Variants in VPS52 observed in about 807,000 individuals in gnomAD.
VPS52 encodes VPS52 subunit of GARP complex.
Under a neutral mutation model 98.7 loss-of-function variants are expected in VPS52, and 56 were observed. That is an observed-to-expected ratio of 0.57 (90% CI 0.46 to 0.71). VPS52 has a LOEUF of 0.71. VPS52 is among the 30% of genes least tolerant of loss of function. The pLI is 0.00. For synonymous variants in VPS52, 348 were observed against 346.4 expected, an observed-to-expected ratio of 1.00 and a Z score of -0.05; for missense variants, 742 against 925.9, an observed-to-expected ratio of 0.80 and a Z score of 2.58.
chr6:33,270,332 GA>G (rs764216669), intron 1 of VPS52, 49 bp from the exon 2 acceptor site: 1 of 1,533,830 alleles, frequency 6.5e-7, no homozygotes, highest in Non-Finnish European at 8.9e-7. Context: ...AAGACAGAAA[GA>G]AAAAATATAA....
Position 33,267,448 on chromosome 6 carries a change from G to T in VPS52, c.992-127C>A. ...CTCTTTCCCAGTACTAGGGCCCCAC[G>T]TGCTGACATCTGTGAATGGGCTTCA... On this transcript the variant is annotated intron_variant, in intron 10 of 19. Coordinates refer to ENST00000445902, the MANE Select transcript of VPS52 (RefSeq NM_022553.6). This position sits in a 1 kb window ranked among gnomAD's most constrained non-coding sequence, Gnocchi z 4.2. 2 of 1,424,130 alleles carry T rather than the reference G, an allele frequency of 1.4e-6. No homozygotes were observed. Among genetic ancestry groups the T allele is most frequent in the Non-Finnish European group, 1.9e-6 (2 of 1,059,242 alleles). The allele number at this position is 1,424,130 out of a possible 1,614,324, so 88.2% of individuals were successfully genotyped here. A position where few individuals can be genotyped will look rare whatever the true frequency, so the allele number is the denominator to read the frequency against.
chr6:33,257,004 C>G (rs1021013558), intron 17 of VPS52, among the ~76,000 whole-genome samples: 1 of 151,246 alleles, frequency 6.6e-6, no homozygotes, highest in East Asian at 1.9e-4. Context: ...CAAAAAAATT[C>G]TCTCTATATA....
At chr6:33,269,236 G>A in intron 5 of VPS52, 47 bp from the exon 6 acceptor site, 1 of 1,603,564 alleles carries the variant, frequency 6.2e-7, no homozygotes, top group Non-Finnish European at 8.5e-7. Flanking sequence ...GTTTGTAGGG[G>A]ATAAGTGGGC....
chr6:33,264,944 G>A (rs774418762), intron 12 of VPS52, 44 bp from the exon 13 acceptor site: 183 of 1,527,606 alleles, frequency 1.2e-4, no homozygotes, highest in Non-Finnish European at 1.5e-4. Context: ...GAGAATGTCA[G>A]TTTGTTGTCC....
rs1429589741 is a variant in VPS52 at position 33,269,871 on chromosome 6, C to T, written c.229-52G>A. ...AGAAGGAAGTCTCAGTAAAGGGACA[C>T]TGTAACAGAATCAGTGAAGGACTAA... On this transcript the variant is annotated intron_variant, in intron 3 of 19. Transcript: ENST00000445902. 4.4e-6 allele frequency: 7 copies of T among 1,596,864 alleles called. No individual in the cohort carries two copies. In the Middle Eastern group the frequency reaches 5.0e-4, roughly 113 times the overall value.
intron 14 of VPS52, 95 bp downstream of exon 14, chr6:33,264,279 T>C: frequency 1.3e-6 from 2 of 1,577,368 alleles, no homozygotes; most frequent in Non-Finnish European, 1.7e-6. Context: ...GCTCATAGCG[T>C]GGCCCATGAC....
At chr6:33,260,262 C>T (rs529280153) in intron 17 of VPS52, among the ~76,000 whole-genome samples, 3 of 152,070 alleles carry the variant, frequency 2.0e-5, no homozygotes, top group African/African-American at 7.2e-5. Context: ...GATCATGGCT[C>T]GCTGTAATCT....
In VPS52 at chr6:33,267,609, T is replaced by C. The variant is rs1764490937; in HGVS notation, c.991+73A>G. 1 of 1,549,222 alleles carries C rather than the reference T, an allele frequency of 6.5e-7. No homozygotes were observed. Among genetic ancestry groups the C allele is most frequent in the Non-Finnish European group, 8.9e-7 (1 of 1,124,884 alleles). On this transcript the variant is annotated intron_variant, in intron 10 of 19. Transcript: ENST00000445902. This position sits in a 1 kb window ranked among gnomAD's most constrained non-coding sequence, Gnocchi z 4.2. ...TCCCATAGGAAAAGGTAAGGAGCAGTGCATTGGTGGCTGGAGTCGAAAGTC... is the reference window on the plus strand; with the variant it reads ...TCCCATAGGAAAAGGTAAGGAGCAGCGCATTGGTGGCTGGAGTCGAAAGTC...
In VPS52 at chr6:33,268,474, C is replaced by T; in HGVS notation, c.699+25G>A. 1 of 1,573,958 alleles carries T rather than the reference C, an allele frequency of 6.4e-7. No individual in the cohort carries two copies. Among genetic ancestry groups the T allele is most frequent in the Non-Finnish European group, 8.6e-7 (1 of 1,157,994 alleles). On this transcript the variant is annotated intron_variant, in intron 7 of 19. Coordinates refer to ENST00000445902, the MANE Select transcript of VPS52 (RefSeq NM_022553.6). This position sits in a 1 kb window ranked among gnomAD's most constrained non-coding sequence, Gnocchi z 4.0. Reference sequence around the variant, plus strand: ...TGGGAAGGCTGCTTCCAGTAGCCTCCAGGGTATCCATCCCTACTTCCCACC... The same window carrying T: ...TGGGAAGGCTGCTTCCAGTAGCCTCTAGGGTATCCATCCCTACTTCCCACC...
chr6:33,268,765 C>G lies in VPS52; in HGVS notation c.549-116G>C, dbSNP rs544180588. The G allele has an allele frequency of 7.6e-7, 1 of 1,313,286 alleles. No homozygotes were observed. The highest frequency in any genetic ancestry group is 1.5e-5 in the African/African-American group (1 of 67,384). The allele number at this position is 1,313,286 out of a possible 1,614,324, so 81.4% of individuals were successfully genotyped here. A position where few individuals can be genotyped will look rare whatever the true frequency, so the allele number is the denominator to read the frequency against. ...GTCATCTCTACCACCTTGCATTGTA[C>G]CATATAGTCAGGACACATGTACAAA... is the stretch of plus-strand genomic sequence containing the variant. On this transcript the variant is annotated intron_variant, in intron 6 of 19. Coordinates refer to ENST00000445902, the MANE Select transcript of VPS52 (RefSeq NM_022553.6). This position sits in a 1 kb window ranked among gnomAD's most constrained non-coding sequence, Gnocchi z 4.0.
rs778580558 is a variant in VPS52 at position 33,264,882 on chromosome 6, G to A, written c.1300C>T (p.Leu434=). ...SMTLKHLDSY[L]ADCYDAIAVF... is the part of the protein sequence containing the mutation. ...GCAATGGCATCGTAGCAGTCAGCTA[G>A]ATAAGAATCCAGGTGTTTCTGTGTG... Residue 434 remains leucine (L), a synonymous_variant, in exon 13 of 20, where the codon CTA becomes TTA. Transcript: ENST00000445902. The A allele has an allele frequency of 1.9e-6, 3 of 1,612,940 alleles. No homozygotes were observed. The highest frequency in any genetic ancestry group is 2.5e-6 in the Non-Finnish European group (3 of 1,179,902).
intron 18 of VPS52, 86 bp from the exon 19 acceptor site, chr6:33,251,722 T>C (rs1369694612): frequency 5.0e-6 from 7 of 1,403,236 alleles, no homozygotes; most frequent in Non-Finnish European, 7.0e-6. Context: ...GCCATCCTTA[T>C]CATCAAACCC....
Position 33,268,440 on chromosome 6 carries a change from T to G in VPS52, c.699+59A>C. 1 of 1,538,312 alleles carries G rather than the reference T, an allele frequency of 6.5e-7. No individual in the cohort carries two copies. Among genetic ancestry groups the G allele is most frequent in the Non-Finnish European group, 8.8e-7 (1 of 1,141,116 alleles). On this transcript the variant is annotated intron_variant, in intron 7 of 19. Transcript: ENST00000445902. This position sits in a 1 kb window ranked among gnomAD's most constrained non-coding sequence, Gnocchi z 4.0. The stretch of plus-strand genomic sequence containing the variant: ...TGAGCTCTGCCAAGGAAATCCATAG[T>G]GAAGATCTTGGGAAGGCTGCTTCCA...
chr6:33,264,054 T>C lies in VPS52; in HGVS notation c.1574A>G (p.Gln525Arg). ...EFSSALVSIN[Q>R]TIPNERTMQL... Reference sequence around the variant, plus strand: ...CATGGTCCGTTCATTAGGAATTGTCTGGTTGATACTGACAAGAGCGGAGGA... The same window carrying C: ...CATGGTCCGTTCATTAGGAATTGTCCGGTTGATACTGACAAGAGCGGAGGA... Residue 525 changes from glutamine to arginine, a missense_variant, in exon 15 of 20, where the codon CAG becomes CGG. Transcript: ENST00000445902. The C allele has an allele frequency of 1.9e-6, 3 of 1,614,228 alleles. No homozygotes were observed. The East Asian group carries it at 6.7e-5, about 36-fold the overall frequency.
chr6:33,268,905 C>A lies in VPS52; in HGVS notation c.548+109G>T. 6.9e-7 allele frequency: 1 copy of A among 1,443,940 alleles called. No homozygotes were observed. Among genetic ancestry groups the A allele is most frequent in the Non-Finnish European group, 9.3e-7 (1 of 1,069,604 alleles). The allele number at this position is 1,443,940 out of a possible 1,614,324, so 89.4% of individuals were successfully genotyped here. A position where few individuals can be genotyped will look rare whatever the true frequency, so the allele number is the denominator to read the frequency against. On this transcript the variant is annotated intron_variant, in intron 6 of 19. Coordinates refer to ENST00000445902, the MANE Select transcript of VPS52 (RefSeq NM_022553.6). This position sits in a 1 kb window ranked among gnomAD's most constrained non-coding sequence, Gnocchi z 4.0. The stretch of plus-strand genomic sequence containing the variant: ...TGGTGGTTAACCTGGCTACTAATTT[C>A]TAAAAAGCACTTAACCTGGAGCCAG...
At chr6:33,258,773 G>A (rs1386878677) in intron 17 of VPS52, among the ~76,000 whole-genome samples, 2 of 152,116 alleles carry the variant, frequency 1.3e-5, no homozygotes, top group African/African-American at 4.8e-5. Context: ...CTGCCATGCT[G>A]GCCAGGCTGG....
chr6:33,268,255 GCTGTATGAGAGGAA>G lies in VPS52; in HGVS notation c.700-61_700-48del. ...CAGGGCATGAAGCTGCAACCCTTTT[GCTGTATGAGAGGAA>G]CTGGGGGAAGCAACAAATGGTAAAC... On this transcript the variant is annotated intron_variant, in intron 7 of 19. Transcript: ENST00000445902. The surrounding 1 kb of genome is among the most constrained non-coding windows in gnomAD (Gnocchi z 4.0). The G allele has an allele frequency of 6.3e-7, 1 of 1,590,678 alleles. No individual in the cohort carries two copies.
rs1764839173 is a variant in VPS52 at position 33,270,234 on chromosome 6, A to G, written c.140T>C (p.Ile47Thr). ...ATCCAGGATGAATTCATCAGAAGTG[A>G]TATCCAACTCCCCAAGTTGCAGTGG... The part of the protein sequence containing the change: ...QEPLQLGELD[I>T]TSDEFILDEV... Residue 47 changes from isoleucine to threonine, a missense_variant, in exon 2 of 20, where the codon ATC becomes ACC. Physicochemically the swap from Ile to Thr is moderately conservative, Grantham distance 89 (BLOSUM62 -1). Around this residue, in one of 2 missense-constraint regions of VPS52, gnomAD observed 152 missense variants for 132.6 expected, o/e 1.15. Transcript: ENST00000445902. 1 of 1,613,368 alleles carries G rather than the reference A, an allele frequency of 6.2e-7. No homozygotes were observed. Among genetic ancestry groups the G allele is most frequent in the African/African-American group, 1.3e-5 (1 of 74,892 alleles).
chr6:33,264,242 G>T (rs1207770890), intron 14 of VPS52, 132 bp downstream of exon 14: 18 of 1,546,698 alleles, frequency 1.2e-5, no homozygotes, highest in Non-Finnish European at 1.3e-5. Context: ...CACTCACCAT[G>T]AGTTTCACCA....
Sources: allele counts gnomAD v4.1 joint callset (sites outside exome capture counted in the v4.1 genomes callset), GRCh38; gene constraint gnomAD v4.1.1; regional missense constraint gnomAD v4.1.1; non-coding constraint Gnocchi (gnomAD v3.1); transcripts MANE v1.5; gene names NCBI Gene and HGNC (gene_info 2026-07-23, HGNC 2026-07-21).